The following POLR1B variants were observed in gnomAD, a reference collection of about 807,000 sequenced individuals.
The protein encoded by POLR1B is DNA-directed RNA polymerase I subunit RPA2.
In POLR1B, 30 loss-of-function variants were observed where a neutral mutation model predicts 105.8. That is an observed-to-expected ratio of 0.28 (90% CI 0.21 to 0.38). The LOEUF (loss-of-function observed/expected upper bound fraction) is 0.38. POLR1B is among the 10% of genes least tolerant of loss of function. The pLI is 1.00. For missense variants in POLR1B, 976 were observed against 1,435.8 expected, an observed-to-expected ratio of 0.68 and a Z score of 5.17; for synonymous variants, 485 against 505.1, an observed-to-expected ratio of 0.96 and a Z score of 0.53.
intron 9 of POLR1B, among the ~76,000 whole-genome samples, 158 bp downstream of exon 9, chr2:112,559,732 G>A (rs370518422): frequency 6.6e-6 from 1 of 152,086 alleles, no homozygotes; most frequent in African/African-American, 2.4e-5. Flanking sequence ...CTAGGTTCAC[G>A]CCATTCTCCT....
rs1486236662 is a variant in POLR1B, at chr2:112,578,718, AT to A, written c.*2990del. On this transcript the variant is annotated 3_prime_UTR_variant, in exon 15 of 15. Coordinates refer to ENST00000263331, the MANE Select transcript of POLR1B (RefSeq NM_019014.6). ...GAGTGTCTGAAACCATGGATAGTATATACACTATCCATATGTGCTATATGTA... is the reference window on the plus strand; with the variant it reads ...GAGTGTCTGAAACCATGGATAGTATAACACTATCCATATGTGCTATATGTA... Among the ~76,000 whole-genome samples the A allele has an allele frequency of 6.6e-6, 1 of 152,206 alleles. No individual in the cohort carries two copies.
rs572389969 is a variant in POLR1B at position 112,577,853 on chromosome 2, G to T, written c.*2124G>T. On this transcript the variant is annotated 3_prime_UTR_variant, in exon 15 of 15. Coordinates refer to ENST00000263331, the MANE Select transcript of POLR1B (RefSeq NM_019014.6). ...TCTCAAAAAAAAAAAAAAAAAAAAA[G>T]CGGGGAGGCATAAGAAAAAACCAAT... Among the ~76,000 whole-genome samples the T allele has an allele frequency of 2.2e-5, 3 of 138,422 alleles. No individual in the cohort carries two copies. Among genetic ancestry groups the T allele is most frequent in the African/African-American group, 7.9e-5 (3 of 38,092 alleles). The allele number at this position is 138,422 out of a possible 152,430, so 90.8% of individuals were successfully genotyped here. A position where few individuals can be genotyped will look rare whatever the true frequency, so the allele number is the denominator to read the frequency against.
intron 7 of POLR1B, among the ~76,000 whole-genome samples, 192 bp from the exon 8 acceptor site, chr2:112,557,718 A>G (rs1683734063): frequency 6.6e-6 from 1 of 151,998 alleles, no homozygotes; most frequent in Non-Finnish European, 1.5e-5. Context: ...CTGGAACTAC[A>G]GGCACGCCCC....
intron 1 of POLR1B, among the ~76,000 whole-genome samples, chr2:112,544,586 G>A (rs1050022797): frequency 6.6e-6 from 1 of 152,114 alleles, no homozygotes; most frequent in African/African-American, 2.4e-5. Context: ...ATGTCTGCTT[G>A]TGCATTCAGT....
At chr2:112,542,073 G>A (rs1682773626), upstream of POLR1B, 2 of 1,529,094 alleles carry the variant, frequency 1.3e-6, no homozygotes, top group South Asian at 1.2e-5. Context: ...CGGCATCAGC[G>A]TGGGACTGGG....
In POLR1B at chr2:112,575,647, C is replaced by T; in HGVS notation, c.3326C>T (p.Thr1109Ile). Residue 1109 changes from threonine (T) to isoleucine (I), a missense_variant, in exon 15 of 15, where the codon ACT becomes ATT. Physicochemically the swap from Thr to Ile is moderately conservative, Grantham distance 89. Transcript: ENST00000263331. This position sits in a 1 kb window ranked among gnomAD's most constrained non-coding sequence, Gnocchi z 5.3. ...TGTAGTCGCAGTGACACTATCGATA[C>T]TGTTTCTGTGCCTTATGTTTTTCGG... Reference protein sequence around the residue: ...TLCSRSDTIDTVSVPYVFRYF... With the variant: ...TLCSRSDTIDIVSVPYVFRYF... The T allele has an allele frequency of 6.2e-7, 1 of 1,614,104 alleles. No individual in the cohort carries two copies. Among genetic ancestry groups the T allele is most frequent in the Non-Finnish European group, 8.5e-7 (1 of 1,180,022 alleles).
Position 112,575,713 on chromosome 2 carries a change from A to T in POLR1B, c.3392A>T (p.Lys1131Ile). The change falls in exon 15 of 15, where the codon AAA becomes ATA. Residue 1131 changes from lysine to isoleucine, a missense_variant. By Grantham distance (102) the Lys-to-Ile change is moderately radical (BLOSUM62 -3). Coordinates refer to ENST00000263331, the MANE Select transcript of POLR1B (RefSeq NM_019014.6). The surrounding 1 kb of genome is among the most constrained non-coding windows in gnomAD (Gnocchi z 5.3). The stretch of plus-strand genomic sequence containing the variant: ...CTGGCAGCTATGAACATCAAAGTGA[A>T]ACTGGATGTTGTTTAACTTGATGTT... ...AELAAMNIKV[K>I]LDVV is the part of the protein sequence containing the mutation. 1 of 1,610,118 alleles carries T rather than the reference A, an allele frequency of 6.2e-7. No homozygotes were observed. Among genetic ancestry groups the T allele is most frequent in the Non-Finnish European group, 8.5e-7 (1 of 1,177,644 alleles).
chr2:112,549,858 A>C (rs1683271720), intron 4 of POLR1B, among the ~76,000 whole-genome samples: 1 of 152,210 alleles, frequency 6.6e-6, no homozygotes, highest in African/African-American at 2.4e-5. Flanking sequence ...ACACGCGTGC[A>C]CACGTACTAC....
intron 9 of POLR1B, among the ~76,000 whole-genome samples, chr2:112,560,097 G>C (rs541635377): frequency 1.3e-5 from 2 of 151,718 alleles, no homozygotes; most frequent in Non-Finnish European, 2.9e-5. Flanking sequence ...GAGAAACTAA[G>C]TGTTATAGGT....
intron 10 of POLR1B, 86 bp from the exon 11 acceptor site, chr2:112,567,881 G>A: frequency 1.8e-6 from 2 of 1,136,554 alleles, no homozygotes. Flanking sequence ...GAGTGTGGAT[G>A]AGTGGTATTC....
chr2:112,567,587 C>T (rs1383408711), intron 10 of POLR1B, among the ~76,000 whole-genome samples: 4 of 152,010 alleles, frequency 2.6e-5, no homozygotes, highest in Non-Finnish European at 4.4e-5. Context: ...TCATGTTGCC[C>T]AGGCTGGTCT....
intron 9 of POLR1B, among the ~76,000 whole-genome samples, chr2:112,560,026 T>C (rs908747044): frequency 7.2e-5 from 11 of 151,964 alleles, no homozygotes; most frequent in African/African-American, 2.7e-4. Context: ...TGTGCAGGAG[T>C]TGGGCTGCTT....
intron 7 of POLR1B, among the ~76,000 whole-genome samples, chr2:112,555,258 G>C (rs1683598060): frequency 6.6e-6 from 1 of 152,026 alleles, no homozygotes; most frequent in Non-Finnish European, 1.5e-5. Flanking sequence ...TGGGATCCCT[G>C]AGCCCAGGAG....
chr2:112,547,606 C>T, intron 3 of POLR1B, 39 bp downstream of exon 3: 1 of 1,592,806 alleles, frequency 6.3e-7, no homozygotes, highest in East Asian at 2.2e-5. Flanking sequence ...GTAGAGAAGG[C>T]CTGGGTTGGG....
chr2:112,564,685 G>A (rs974100620), intron 10 of POLR1B, among the ~76,000 whole-genome samples, 186 bp downstream of exon 10: 1 of 152,206 alleles, frequency 6.6e-6, no homozygotes, highest in African/African-American at 2.4e-5. Context: ...ATTGGTTGGG[G>A]TCAGTGACAG....
intron 7 of POLR1B, 80 bp from the exon 8 acceptor site, chr2:112,557,830 C>A: frequency 1.2e-6 from 1 of 811,374 alleles, no homozygotes; most frequent in Non-Finnish European, 1.7e-6. Flanking sequence ...AAGCGATCCA[C>A]CCAATCCTGG....
intron 9 of POLR1B, among the ~76,000 whole-genome samples, chr2:112,560,434 G>A (rs1439164363): frequency 6.6e-6 from 1 of 152,092 alleles, no homozygotes; most frequent in African/African-American, 2.4e-5. Flanking sequence ...AGGTTTCCCA[G>A]TCTACCCTGA....
intron 1 of POLR1B, among the ~76,000 whole-genome samples, chr2:112,546,103 T>A (rs1176962013): frequency 6.6e-6 from 1 of 152,102 alleles, no homozygotes; most frequent in African/African-American, 2.4e-5. Context: ...AGACTAAGTC[T>A]AGGAGGTTGC....
intron 4 of POLR1B, 47 bp downstream of exon 4, chr2:112,549,446 C>CTTT: frequency 1.9e-6 from 2 of 1,050,916 alleles, no homozygotes; most frequent in Non-Finnish European, 2.5e-6. Context: ...AAATTTAAAA[C>CTTT]TTTTTTTTTT....
Sources: gnomAD v4.1 joint callset for allele counts (sites outside exome capture counted in the v4.1 genomes callset) on GRCh38, gnomAD v4.1.1 for gene constraint, Gnocchi (gnomAD v3.1) non-coding constraint, MANE v1.5 for transcripts, NCBI Gene and HGNC (gene_info 2026-07-23, HGNC 2026-07-21) for gene names.